Variants in HSF2 observed in about 807,000 individuals in gnomAD.
The protein encoded by HSF2 is heat shock factor protein 2.
A neutral mutation model predicts 65.0 loss-of-function variants in HSF2; 21 were observed. That is an observed-to-expected ratio of 0.32 (90% CI 0.23 to 0.47). HSF2 has a LOEUF of 0.47. Ranked by LOEUF, HSF2 falls within the 20% of genes least tolerant of loss-of-function variation. The pLI is 1.00. For synonymous variants in HSF2, 225 were observed against 219.1 expected, an observed-to-expected ratio of 1.03 and a Z score of -0.24; for missense variants, 499 against 628.1, an observed-to-expected ratio of 0.79 and a Z score of 2.20.
chr6:122,402,769 C>T (rs1180129772), intron 1 of HSF2, among the ~76,000 whole-genome samples: 1 of 152,084 alleles, frequency 6.6e-6, no homozygotes, highest in Non-Finnish European at 1.5e-5. Context: ...GCCAGGCAGT[C>T]TCAAACTCCT....
intron 10 of HSF2, 47 bp downstream of exon 10, chr6:122,423,733 A>G: frequency 9.5e-7 from 1 of 1,048,708 alleles, no homozygotes; most frequent in Non-Finnish European, 1.4e-6. Flanking sequence ...TTGTGTGTTT[A>G]TGTATATTAT....
At chr6:122,422,070 C>T in intron 7 of HSF2, 80 bp from the exon 8 acceptor site, 2 of 946,272 alleles carry the variant, frequency 2.1e-6, no homozygotes, top group Non-Finnish European at 3.2e-6. Flanking sequence ...TAGTAGTTGC[C>T]TAGTTATTTT....
At chr6:122,430,155 A>G (rs937715289) in intron 11 of HSF2, among the ~76,000 whole-genome samples, 4 of 152,082 alleles carry the variant, frequency 2.6e-5, no homozygotes, top group Non-Finnish European at 4.4e-5. Flanking sequence ...TTTGGTTGGT[A>G]GGCTATTAAT....
Position 122,432,537 on chromosome 6 carries a change from TTTTG to T in HSF2, c.*325_*328del, listed in dbSNP as rs1774499128. The T allele has an allele frequency of 1.3e-5, 3 of 239,098 alleles. No individual in the cohort carries two copies. Among genetic ancestry groups the T allele is most frequent in the South Asian group, 1.3e-4 (2 of 15,320 alleles). 14.8% of individuals were successfully genotyped at this position (239,098 alleles called of 1,614,324 possible). A position where few individuals can be genotyped will look rare whatever the true frequency, so the allele number is the denominator to read the frequency against. On this transcript the variant is annotated 3_prime_UTR_variant, in exon 13 of 13. Coordinates refer to ENST00000368455, the MANE Select transcript of HSF2 (RefSeq NM_004506.4). ...ATACGACCATTAACCTCAGTTAAAT[TTTTG>T]TTTGTTTTCCTGTTTGATGCTGTCT...
At chr6:122,411,669 A>G (rs1390134669) in intron 1 of HSF2, among the ~76,000 whole-genome samples, 1 of 151,874 alleles carries the variant, frequency 6.6e-6, no homozygotes, top group East Asian at 1.9e-4. Context: ...TCCCAGCACC[A>G]TTTGTTGAAA....
At chr6:122,400,230 A>G (rs983507930) in intron 1 of HSF2, among the ~76,000 whole-genome samples, 7 of 152,280 alleles carry the variant, frequency 4.6e-5, no homozygotes, top group African/African-American at 1.7e-4. Context: ...CGGAGGGGAC[A>G]GGGAGCCCAG....
In HSF2 at chr6:122,422,861, G is replaced by C; in HGVS notation, c.974G>C (p.Ser325Thr). Residue 325 changes from serine to threonine, a missense_variant, in exon 9 of 13, where the codon AGT becomes ACT. By Grantham distance (58) the Ser-to-Thr change is moderately conservative. Around this residue, in one of 2 missense-constraint regions of HSF2, gnomAD observed 349 missense variants for 393.5 expected, o/e 0.89. Coordinates refer to ENST00000368455, the MANE Select transcript of HSF2 (RefSeq NM_004506.4). ...GSDGSSPLMS[S>T]AVQLNGSSSL... ...GATGGCAGCAGCCCTCTCATGTCTA[G>C]TGCTGTCCAGCTAAATGGCTCATCC... 1 of 1,613,744 alleles carries C rather than the reference G, an allele frequency of 6.2e-7. No homozygotes were observed.
In HSF2 at chr6:122,422,966, T is replaced by C; in HGVS notation, c.1070+9T>C. The C allele has an allele frequency of 6.2e-7, 1 of 1,613,014 alleles. No homozygotes were observed. Among genetic ancestry groups the C allele is most frequent in the Non-Finnish European group, 8.5e-7 (1 of 1,179,180 alleles). ...ATCAATCTTTTGGGAAAGTGAGTGC[T>C]TATCTAGATGTTGTCTAAAATTATT... On this transcript the variant is annotated intron_variant, in intron 9 of 12. Coordinates refer to ENST00000368455, the MANE Select transcript of HSF2 (RefSeq NM_004506.4).
chr6:122,420,886 A>G (rs1774221030), intron 7 of HSF2, among the ~76,000 whole-genome samples: 1 of 149,642 alleles, frequency 6.7e-6, no homozygotes. Context: ...TAATTTTTGT[A>G]TATTTTGTAG....
chr6:122,427,892 T>C lies in HSF2; in HGVS notation c.1177-11T>C. On this transcript the variant is annotated splice_polypyrimidine_tract_variant and intron_variant, in intron 10 of 12. Coordinates refer to ENST00000368455, the MANE Select transcript of HSF2 (RefSeq NM_004506.4). ...TTTTAAACTTATCATCTTTCTTGTT[T>C]GGTCTTTCAGCTTTTCACTAGTTCT... 4 of 1,578,782 alleles carry C rather than the reference T, an allele frequency of 2.5e-6. No individual in the cohort carries two copies. The highest frequency in any genetic ancestry group is 3.5e-6 in the Non-Finnish European group (4 of 1,155,200).
intron 1 of HSF2, among the ~76,000 whole-genome samples, chr6:122,401,969 A>G (rs2114415655): frequency 6.6e-6 from 1 of 152,310 alleles, no homozygotes; most frequent in East Asian, 1.9e-4. Flanking sequence ...CGAGGCTCAC[A>G]TGTGGCCAAG....
At chr6:122,429,274 G>A (rs1483532222) in intron 11 of HSF2, among the ~76,000 whole-genome samples, 2 of 151,914 alleles carry the variant, frequency 1.3e-5, no homozygotes, top group Non-Finnish European at 2.9e-5. Context: ...GTTTATTTGC[G>A]ACTGGACATT....
In HSF2 at chr6:122,412,663, G is replaced by A; in HGVS notation, c.229G>A (p.Asp77Asn). ...TGGTTTCCGTAAAGTAGTACATATCGACTCTGGAATTGTAAAGCAAGAAAG... is the reference window on the plus strand; with the variant it reads ...TGGTTTCCGTAAAGTAGTACATATCAACTCTGGAATTGTAAAGCAAGAAAG... ...MYGFRKVVHIDSGIVKQERDG... is the reference protein window; with the variant it reads ...MYGFRKVVHINSGIVKQERDG... Residue 77 changes from aspartate (D) to asparagine (N), a missense_variant, in exon 3 of 13, where the codon GAC (aspartate) becomes AAC (asparagine). By Grantham distance (23) the Asp-to-Asn change is conservative. Coordinates refer to ENST00000368455, the MANE Select transcript of HSF2 (RefSeq NM_004506.4). 1 of 1,611,830 alleles carries A rather than the reference G, an allele frequency of 6.2e-7. No individual in the cohort carries two copies. The highest frequency in any genetic ancestry group is 1.1e-5 in the South Asian group (1 of 90,976).
chr6:122,420,865 C>T (rs1309155867), intron 7 of HSF2, among the ~76,000 whole-genome samples: 3 of 150,872 alleles, frequency 2.0e-5, no homozygotes, highest in African/African-American at 7.3e-5. Flanking sequence ...GTGTGTGCCA[C>T]CACACTTGGA....
intron 1 of HSF2, among the ~76,000 whole-genome samples, chr6:122,400,833 T>A (rs1773713509): frequency 6.6e-6 from 1 of 152,262 alleles, no homozygotes; most frequent in Non-Finnish European, 1.5e-5. Flanking sequence ...TATTGAGGCA[T>A]ATTTTCATAT....
In HSF2 at chr6:122,431,872, G is replaced by C. The variant is rs1774477689; in HGVS notation, c.1316-53G>C. On this transcript the variant is annotated intron_variant, in intron 12 of 12. Transcript: ENST00000368455. ...CTCTGTTTTCATTTTTTTCCCCTCA[G>C]CTTGAACTCAGTATAAGCTGGTGAT... 3.3e-6 allele frequency: 5 copies of C among 1,509,434 alleles called. No individual in the cohort carries two copies. The Admixed American group carries it at 9.8e-5, about 30-fold the overall frequency. The allele number at this position is 1,509,434 out of a possible 1,614,324, so 93.5% of individuals were successfully genotyped here.
chr6:122,399,570 C>A (rs950784466), upstream of HSF2: 47 of 585,746 alleles, frequency 8.0e-5, no homozygotes, highest in Non-Finnish European at 1.4e-4. Context: ...TCACGTGCGG[C>A]CGCCCGGCCT....
chr6:122,422,680 GA>G, intron 8 of HSF2, 37 bp from the exon 9 acceptor site: 3 of 1,598,954 alleles, frequency 1.9e-6, no homozygotes, highest in Non-Finnish European at 2.6e-6. Flanking sequence ...TATTAAATTT[GA>G]AAATGTAATA....
Position 122,399,810 on chromosome 6 carries a change from G to A in HSF2, c.73G>A (p.Glu25Lys). The stretch of plus-strand genomic sequence containing the variant: ...GCTTGTGGAGGAAACCCACACTAAC[G>A]AGTTCATCACCTGGAGCCAGGTACG... ...WTLVEETHTNEFITWSQNGQS... is the reference protein window; with the variant it reads ...WTLVEETHTNKFITWSQNGQS... Residue 25 changes from glutamate to lysine, a missense_variant, in exon 1 of 13, where the codon GAG becomes AAG. Glu to Lys is a moderately conservative substitution (Grantham distance 56). Around this residue, in one of 2 missense-constraint regions of HSF2, gnomAD observed 150 missense variants for 234.6 expected, o/e 0.64. Transcript: ENST00000368455. 6.2e-7 allele frequency: 1 copy of A among 1,612,152 alleles called. No homozygotes were observed. The highest frequency in any genetic ancestry group is 8.5e-7 in the Non-Finnish European group (1 of 1,179,246).
Sources: gnomAD v4.1 joint callset for allele counts (sites outside exome capture counted in the v4.1 genomes callset) on GRCh38, gnomAD v4.1.1 for gene constraint, gnomAD v4.1.1 regional missense constraint, MANE v1.5 for transcripts, NCBI Gene and HGNC (gene_info 2026-07-23, HGNC 2026-07-21) for gene names.